The following ANKRD12 variants were observed in gnomAD, a reference collection of about 807,000 sequenced individuals.
ANKRD12 encodes the protein ankyrin repeat domain 12.
In ANKRD12, 85 loss-of-function variants were observed where a neutral mutation model predicts 183.4. The ratio of observed to expected loss-of-function variants is 0.46; its 90% confidence interval spans 0.39 to 0.56. ANKRD12 has a LOEUF of 0.56. Ranked by LOEUF, ANKRD12 falls within the 20% of genes least tolerant of loss-of-function variation. The probability of loss-of-function intolerance (pLI) is 0.00; values close to 1 mark genes in which losing one functional copy is unlikely to be tolerated. For missense variants in ANKRD12, 2,405 were observed against 2,357.1 expected (o/e 1.02, Z -0.42); for synonymous variants, 914 against 800.2 (o/e 1.14, Z -2.40).
intron 1 of ANKRD12, among the ~76,000 whole-genome samples, chr18:9,159,269 A>G (rs1035624913): frequency 2.0e-5 from 3 of 152,122 alleles, no homozygotes; most frequent in Non-Finnish European, 4.4e-5. Flanking sequence ...ATAATTCTAT[A>G]TGTAAGTTTG....
chr18:9,177,944 GTTGT>G (rs1271876691), intron 1 of ANKRD12, among the ~76,000 whole-genome samples: 4 of 151,780 alleles, frequency 2.6e-5, no homozygotes, highest in Non-Finnish European at 4.4e-5. Flanking sequence ...TTTAAATTGG[GTTGT>G]TTATCTTATT....
At chr18:9,236,215 G>A (rs1466699269) in intron 8 of ANKRD12, among the ~76,000 whole-genome samples, 1 of 152,146 alleles carries the variant, frequency 6.6e-6, no homozygotes, top group Non-Finnish European at 1.5e-5. Context: ...AATAACGAAT[G>A]GAGCTAAAAC....
chr18:9,144,487 T>C (rs1363708960), intron 1 of ANKRD12, among the ~76,000 whole-genome samples: 4 of 152,300 alleles, frequency 2.6e-5, no homozygotes, highest in African/African-American at 9.6e-5. Flanking sequence ...CCTATAGCTT[T>C]TGTATACTCA....
At chr18:9,262,649 TG>T (rs918912996) in intron 9 of ANKRD12, among the ~76,000 whole-genome samples, 8 of 151,326 alleles carry the variant, frequency 5.3e-5, no homozygotes, top group Non-Finnish European at 1.0e-4. Flanking sequence ...TTTTTTGAGA[TG>T]GGGGTCTCAA....
At chr18:9,241,033 A>C (rs901242481) in intron 8 of ANKRD12, among the ~76,000 whole-genome samples, 2 of 152,168 alleles carry the variant, frequency 1.3e-5, no homozygotes, top group Admixed American at 1.3e-4. Flanking sequence ...AGTTAATAAG[A>C]GATCCAAAAA....
chr18:9,156,900 A>G (rs2030551383), intron 1 of ANKRD12, among the ~76,000 whole-genome samples: 2 of 152,208 alleles, frequency 1.3e-5, no homozygotes, highest in South Asian at 2.1e-4. Context: ...GAAAAATATC[A>G]TATGATTGCA....
At chr18:9,246,408 ACTT>A (rs1196529619) in intron 8 of ANKRD12, among the ~76,000 whole-genome samples, 7 of 152,236 alleles carry the variant, frequency 4.6e-5, no homozygotes, top group African/African-American at 7.2e-5. Context: ...GTTTCACTCT[ACTT>A]CTTCTTTGCC....
intron 8 of ANKRD12, among the ~76,000 whole-genome samples, chr18:9,247,268 C>A (rs893391151): frequency 4.0e-5 from 6 of 151,326 alleles, no homozygotes; most frequent in Admixed American, 1.3e-4. Flanking sequence ...CGCTTGAGGC[C>A]TCGAGTTTGA....
rs2040006637 is a variant in ANKRD12 at position 9,279,439 on chromosome 18, TA to T, written c.5908-109del. ...TATTCAATTTATATATTTCTCAAAATATATTTTCATCGTTACTAAGAAAGCA... is the reference window on the plus strand; with the variant it reads ...TATTCAATTTATATATTTCTCAAAATTATTTTCATCGTTACTAAGAAAGCA... On this transcript the variant is annotated intron_variant, in intron 11 of 12. Coordinates refer to ENST00000262126, the MANE Select transcript of ANKRD12 (RefSeq NM_015208.5). 114 of 675,708 alleles carry T rather than the reference TA, an allele frequency of 1.7e-4. 1 individual carries two copies. The South Asian group carries it at 2.0e-3, about 12-fold the overall frequency. 41.9% of individuals were successfully genotyped at this position (675,708 alleles called of 1,614,324 possible).
chr18:9,257,413 T>G lies in ANKRD12; in HGVS notation c.4146T>G (p.Val1382=), dbSNP rs780830336. Reference sequence around the variant, plus strand: ...CTGGAGCTTCAAACAGCAAGTATGTTTCAGCTGATAGAAATCTCATCAAGA... The same window carrying G: ...CTGGAGCTTCAAACAGCAAGTATGTGTCAGCTGATAGAAATCTCATCAAGA... ...SPTGASNSKY[V]SADRNLIKNT... The change falls in exon 9 of 13, where the codon GTT becomes GTG. Residue 1382 remains valine (V), a synonymous_variant. Coordinates refer to ENST00000262126, the MANE Select transcript of ANKRD12 (RefSeq NM_015208.5). 6 of 1,614,018 alleles carry G rather than the reference T, an allele frequency of 3.7e-6. No homozygotes were observed. The highest frequency in any genetic ancestry group is 3.3e-5 in the Admixed American group (2 of 59,992).
intron 4 of ANKRD12, 69 bp downstream of exon 4, chr18:9,204,613 T>A: frequency 1.8e-6 from 2 of 1,137,242 alleles, no homozygotes; most frequent in Non-Finnish European, 2.5e-6. Flanking sequence ...ATTATTGTAC[T>A]ATAAGTAACT....
chr18:9,220,870 T>G (rs1374265023), intron 7 of ANKRD12, among the ~76,000 whole-genome samples: 1 of 152,080 alleles, frequency 6.6e-6, no homozygotes, highest in Non-Finnish European at 1.5e-5. Context: ...CCATCATTGG[T>G]TTAGATCTTT....
intron 11 of ANKRD12, among the ~76,000 whole-genome samples, chr18:9,278,801 T>A (rs1406935248): frequency 6.7e-6 from 1 of 148,230 alleles, no homozygotes; most frequent in Non-Finnish European, 1.5e-5. Context: ...AAAAAGAAAA[T>A]GTGAGTGTGG....
chr18:9,257,691 G>T lies in ANKRD12; in HGVS notation c.4424G>T (p.Gly1475Val), dbSNP rs2038720344. The change falls in exon 9 of 13, where the codon GGA becomes GTA. Residue 1475 changes from glycine to valine, a missense_variant. Gly to Val is a moderately radical substitution (Grantham distance 109, BLOSUM62 -3). Coordinates refer to ENST00000262126, the MANE Select transcript of ANKRD12 (RefSeq NM_015208.5). ...FLSLRQTELP[G>V]NSCAQDPASF... Reference sequence around the variant, plus strand: ...TCCCTGCGCCAGACTGAACTGCCAGGAAACTCTTGTGCTCAGGATCCGGCA... The same window carrying T: ...TCCCTGCGCCAGACTGAACTGCCAGTAAACTCTTGTGCTCAGGATCCGGCA... 6.2e-7 allele frequency: 1 copy of T among 1,614,012 alleles called. No homozygotes were observed. The highest frequency in any genetic ancestry group is 1.3e-5 in the African/African-American group (1 of 75,020).
chr18:9,218,732 C>G (rs1407237007), intron 7 of ANKRD12, among the ~76,000 whole-genome samples: 1 of 150,546 alleles, frequency 6.6e-6, no homozygotes, highest in Non-Finnish European at 1.5e-5. Flanking sequence ...TGTAGTGGTG[C>G]AATCACAGAT....
intron 6 of ANKRD12, among the ~76,000 whole-genome samples, chr18:9,212,191 C>G (rs2035842299): frequency 6.6e-6 from 1 of 151,868 alleles, no homozygotes; most frequent in Non-Finnish European, 1.5e-5. Context: ...AAGTAGCATA[C>G]CAGTACATTC....
chr18:9,216,832 G>C lies in ANKRD12; in HGVS notation c.727G>C (p.Asp243His). The C allele has an allele frequency of 6.2e-7, 1 of 1,613,654 alleles. No individual in the cohort carries two copies. Among genetic ancestry groups the C allele is most frequent in the Non-Finnish European group, 8.5e-7 (1 of 1,179,700 alleles). The stretch of plus-strand genomic sequence containing the variant: ...TAAGATACTTATAGCAGCTGGAGCA[G>C]ATGTTAACACACAAGGATTAGATGA... Reference protein sequence around the residue: ...VAKILIAAGADVNTQGLDDDT... With the variant: ...VAKILIAAGAHVNTQGLDDDT... The change falls in exon 7 of 13, where the codon GAT (aspartate) becomes CAT (histidine). Residue 243 changes from aspartate (D) to histidine (H), a missense_variant. By Grantham distance (81) the Asp-to-His change is moderately conservative. Coordinates refer to ENST00000262126, the MANE Select transcript of ANKRD12 (RefSeq NM_015208.5).
chr18:9,175,171 C>T (rs1317103828), intron 1 of ANKRD12, among the ~76,000 whole-genome samples: 2 of 152,104 alleles, frequency 1.3e-5, no homozygotes, highest in Non-Finnish European at 2.9e-5. Context: ...GGGCCTGGAA[C>T]TCACTAAATG....
At chr18:9,184,010 A>G (rs1375809712) in intron 2 of ANKRD12, among the ~76,000 whole-genome samples, 1 of 152,152 alleles carries the variant, frequency 6.6e-6, no homozygotes, top group African/African-American at 2.4e-5. Context: ...TACACATCCT[A>G]ATTGATCACA....
Sources: allele counts gnomAD v4.1 joint callset (sites outside exome capture counted in the v4.1 genomes callset), GRCh38; gene constraint gnomAD v4.1.1; transcripts MANE v1.5; gene names NCBI Gene and HGNC (gene_info 2026-07-23, HGNC 2026-07-21).